Variants in AGTPBP1 observed in about 807,000 individuals in gnomAD.
The protein encoded by AGTPBP1 is cytosolic carboxypeptidase 1.
Under a neutral mutation model 143.9 loss-of-function variants are expected in AGTPBP1, and 70 were observed. The observed-to-expected ratio is 0.49, with a 90% confidence interval of 0.40 to 0.59. The LOEUF is 0.59. Among genes scored for constraint, AGTPBP1 ranks in the 20% least tolerant of loss-of-function variants. The pLI, the probability that AGTPBP1 is intolerant of heterozygous loss-of-function variation, is 0.00. For synonymous variants in AGTPBP1, 463 were observed against 500.2 expected (o/e 0.93, Z 0.99); for missense variants, 1,229 against 1,464.5 (o/e 0.84, Z 2.62).
chr9:85,561,364 G>C lies in AGTPBP1; in HGVS notation c.3503+13951C>G, dbSNP rs151243320. 1.2e-3 allele frequency among the ~76,000 whole-genome samples: 186 copies of C among 150,172 alleles called. 1 individual carries two copies. The Middle Eastern group carries it at 0.024, about 19-fold the overall frequency. On this transcript the variant is annotated intron_variant, in intron 25 of 25. Transcript: ENST00000357081. ...GATCATGCCACTGCACTCCAGCCTGGTGACAGAGTGAGGCTCCATCTCAAA... is the reference window on the plus strand; with the variant it reads ...GATCATGCCACTGCACTCCAGCCTGCTGACAGAGTGAGGCTCCATCTCAAA...
Position 85,677,445 on chromosome 9 carries a change from C to G in AGTPBP1, c.427G>C (p.Gly143Arg). Residue 143 changes from glycine to arginine, a missense_variant, in exon 6 of 26, where the codon GGA becomes CGA. This residue lies in a region of AGTPBP1 where 743 missense variants were observed against 812.2 expected (regional missense o/e 0.91). Transcript: ENST00000357081. ...AAATGAAATCCCTTACCTTTTGGTC[C>G]AATCTTTGCAAGAATAGAATGAATC... Reference protein sequence around the residue: ...VQIHSILAKIGPKDKKFGVKA... With the variant: ...VQIHSILAKIRPKDKKFGVKA... 6.2e-7 allele frequency: 1 copy of G among 1,605,588 alleles called. No individual in the cohort carries two copies. The highest frequency in any genetic ancestry group is 1.7e-5 in the Admixed American group (1 of 58,572).
chr9:85,613,738 C>A (rs1326280906), intron 17 of AGTPBP1, among the ~76,000 whole-genome samples: 1 of 152,006 alleles, frequency 6.6e-6, no homozygotes, highest in African/African-American at 2.4e-5. Context: ...AAAATAAAAG[C>A]CTTTACATTT....
At chr9:85,803,394 T>C in the AGTPBP1 span, among the ~76,000 whole-genome samples, 25 of 152,188 alleles carry the variant, frequency 1.6e-4, no homozygotes, top group Admixed American at 1.5e-3. Flanking sequence ...CCTATTCTCC[T>C]CCCATTTTCT....
chr9:85,761,280 G>T, the AGTPBP1 span, among the ~76,000 whole-genome samples: 1,261 of 152,288 alleles, frequency 8.3e-3, 18 homozygotes, highest in African/African-American at 0.029. Context: ...CTACTTTAAA[G>T]TTCATGTGGA....
chr9:85,669,000 TGTGTGTGTATAC>T (rs1238272582), intron 8 of AGTPBP1, among the ~76,000 whole-genome samples: 1 of 83,936 alleles, frequency 1.2e-5, no homozygotes, highest in African/African-American at 4.7e-5. Flanking sequence ...TGTGTGTGTG[TGTGTGTGTATAC>T]ATACACACAC....
intron 25 of AGTPBP1, among the ~76,000 whole-genome samples, chr9:85,562,023 G>A (rs540343481): frequency 6.6e-6 from 1 of 151,726 alleles, no homozygotes; most frequent in Non-Finnish European, 1.5e-5. Flanking sequence ...GTAGAGATGG[G>A]GTTTCACCAT....
the AGTPBP1 span, among the ~76,000 whole-genome samples, chr9:85,759,423 C>G: frequency 3.3e-5 from 5 of 152,110 alleles, no homozygotes; most frequent in Admixed American, 3.3e-4. Context: ...CAAACTGTCT[C>G]TCAGACCACA....
At position 85,576,067 on chromosome 9, in the gene AGTPBP1, T is replaced by C. The variant is rs953031824; in HGVS notation, c.3343-592A>G. 9.2e-5 allele frequency among the ~76,000 whole-genome samples: 14 copies of C among 152,304 alleles called. No individual in the cohort carries two copies. In the South Asian group the frequency reaches 2.7e-3, roughly 29 times the overall value. On this transcript the variant is annotated intron_variant, in intron 24 of 25. Transcript: ENST00000357081. Reference sequence around the variant, plus strand: ...AATGCTCATTTCAAATTTTGTCTACTAAAGCAAAAAGAGTATTTTATCTTA... The same window carrying C: ...AATGCTCATTTCAAATTTTGTCTACCAAAGCAAAAAGAGTATTTTATCTTA...
intron 18 of AGTPBP1, among the ~76,000 whole-genome samples, chr9:85,593,632 T>A (rs550267549): frequency 6.6e-6 from 1 of 152,288 alleles, no homozygotes; most frequent in South Asian, 2.1e-4. Flanking sequence ...TATGTACAGA[T>A]AAAATACGGT....
chr9:85,696,002 C>A (rs114312702), intron 2 of AGTPBP1, among the ~76,000 whole-genome samples: 3,629 of 152,168 alleles, frequency 0.024, 151 homozygotes, highest in African/African-American at 0.083. Context: ...CCATTACACC[C>A]AGCTAATTTT....
chr9:85,635,526 A>G (rs951510432), intron 13 of AGTPBP1, among the ~76,000 whole-genome samples: 16 of 152,208 alleles, frequency 1.1e-4, no homozygotes, highest in African/African-American at 3.9e-4. Flanking sequence ...TTAAATATTT[A>G]CAATTGTTAC....
At chr9:85,701,964 T>C (rs983574277) in intron 2 of AGTPBP1, among the ~76,000 whole-genome samples, 1 of 152,232 alleles carries the variant, frequency 6.6e-6, no homozygotes, top group Admixed American at 6.5e-5. Context: ...TGAACAGTCT[T>C]TGTTGTCAGA....
Position 85,741,780 on chromosome 9 carries a change from C to A in AGTPBP1, c.-39G>T. 7.4e-7 allele frequency: 1 copy of A among 1,345,684 alleles called. No homozygotes were observed. Among genetic ancestry groups the A allele is most frequent in the Non-Finnish European group, 9.5e-7 (1 of 1,050,898 alleles). The allele number at this position is 1,345,684 out of a possible 1,614,324, so 83.4% of individuals were successfully genotyped here. ...GACTGCAGCAGGGCGCTCACCGGCT[C>A]AGGATGGGGCGCTGGCGGGGACCGC... On this transcript the variant is annotated 5_prime_UTR_variant, in exon 1 of 26. Transcript: ENST00000357081.
intron 3 of AGTPBP1, among the ~76,000 whole-genome samples, chr9:85,682,236 T>C (rs117570930): frequency 0.017 from 2,556 of 150,428 alleles, 40 homozygotes; most frequent in South Asian, 0.029. Context: ...TTCTAGAGCT[T>C]CTCCACAATT....
At chr9:85,683,616 G>A (rs1835321481) in intron 3 of AGTPBP1, among the ~76,000 whole-genome samples, 1 of 152,092 alleles carries the variant, frequency 6.6e-6, no homozygotes, top group African/African-American at 2.4e-5. Flanking sequence ...AGACTTCAAT[G>A]TCATTGTGGA....
intron 18 of AGTPBP1, 63 bp from the exon 19 acceptor site, chr9:85,592,767 C>T: frequency 3.2e-6 from 5 of 1,559,482 alleles, no homozygotes; most frequent in Non-Finnish European, 4.3e-6. Flanking sequence ...TTCCTTGTTA[C>T]TTTTATTAAA....
chr9:85,690,990 TTATCTA>T (rs1246034017), intron 3 of AGTPBP1, among the ~76,000 whole-genome samples: 1 of 152,172 alleles, frequency 6.6e-6, no homozygotes, highest in Non-Finnish European at 1.5e-5. Context: ...ACAAAAGTGT[TTATCTA>T]TAGGTCTGAA....
the AGTPBP1 span, chr9:85,764,960 A>T: frequency 1.3e-6 from 1 of 790,108 alleles, no homozygotes; most frequent in South Asian, 1.4e-5. Context: ...GAGGTGCTGT[A>T]TGATGGATCA....
intron 25 of AGTPBP1, among the ~76,000 whole-genome samples, chr9:85,565,073 G>A (rs1434924055): frequency 2.0e-5 from 3 of 152,134 alleles, no homozygotes; most frequent in African/African-American, 7.2e-5. Context: ...CTCCAGAACT[G>A]TGAGACATAA....
Sources: allele counts gnomAD v4.1 joint callset (sites outside exome capture counted in the v4.1 genomes callset), GRCh38; gene constraint gnomAD v4.1.1; regional missense constraint gnomAD v4.1.1; transcripts MANE v1.5; gene names NCBI Gene and HGNC (gene_info 2026-07-23, HGNC 2026-07-21).